Variants in GALK2 observed in about 807,000 individuals in gnomAD.
GALK2 encodes the protein N-acetylgalactosamine kinase.
A neutral mutation model predicts 52.4 loss-of-function variants in GALK2; 36 were observed. The observed-to-expected ratio is 0.69, with a 90% confidence interval of 0.53 to 0.91. The LOEUF (loss-of-function observed/expected upper bound fraction) is 0.91, where lower values mean the gene tolerates loss of function less well. GALK2 is among the 40% of genes least tolerant of loss of function. The pLI is 0.00. For synonymous variants in GALK2, 176 were observed against 199.1 expected, an observed-to-expected ratio of 0.88 and a Z score of 0.98; for missense variants, 579 against 559.1, an observed-to-expected ratio of 1.04 and a Z score of -0.36.
intron 5 of GALK2, among the ~76,000 whole-genome samples, chr15:49,278,355 G>C (rs920638690): frequency 6.6e-6 from 1 of 152,182 alleles, no homozygotes; most frequent in Non-Finnish European, 1.5e-5. Context: ...GGCTGTTTTA[G>C]AGGAATCCAG....
intron 1 of GALK2, among the ~76,000 whole-genome samples, chr15:49,188,444 ACTC>A (rs2086511326): frequency 6.6e-6 from 1 of 151,970 alleles, no homozygotes; most frequent in Non-Finnish European, 1.5e-5. Context: ...TAATCACTGT[ACTC>A]CTCCATGTGC....
intron 3 of GALK2, chr15:49,353,619 T>TTG (rs999826211): frequency 3.3e-5 from 5 of 151,860 alleles, no homozygotes; most frequent in Non-Finnish European, 7.4e-5. Flanking sequence ...TAAGGGTTTT[T>TTG]TTTTTTTTTT....
chr15:49,358,881 A>G (rs908826541), intron 3 of GALK2, among the ~76,000 whole-genome samples: 18 of 149,872 alleles, frequency 1.2e-4, no homozygotes, highest in Non-Finnish European at 1.9e-4. Context: ...TACTGGTACC[A>G]AAACAGAGAT....
At chr15:49,354,251 G>C (rs2042697205) in intron 3 of GALK2, among the ~76,000 whole-genome samples, 1 of 152,190 alleles carries the variant, frequency 6.6e-6, no homozygotes, top group African/African-American at 2.4e-5. Flanking sequence ...AGCCAAGATG[G>C]CCGAATAGGA....
At chr15:49,359,053 C>T (rs1052866462) in intron 3 of GALK2, among the ~76,000 whole-genome samples, 2 of 151,874 alleles carry the variant, frequency 1.3e-5, no homozygotes, top group Non-Finnish European at 2.9e-5. Context: ...AGCTGAAACT[C>T]GATCCCTTCC....
At chr15:49,242,427 G>A (rs570272520) in intron 5 of GALK2, among the ~76,000 whole-genome samples, 1 of 152,130 alleles carries the variant, frequency 6.6e-6, no homozygotes, top group African/African-American at 2.4e-5. Flanking sequence ...ATAGTTGAGG[G>A]GAATTTACCA....
intron 3 of GALK2, among the ~76,000 whole-genome samples, chr15:49,345,277 C>G (rs1162573282): frequency 1.3e-5 from 2 of 152,002 alleles, no homozygotes; most frequent in African/African-American, 4.8e-5. Flanking sequence ...TTGAAATGAA[C>G]TGGGTAGACA....
chr15:49,265,047 A>C (rs1046489680), intron 5 of GALK2, among the ~76,000 whole-genome samples: 2 of 152,202 alleles, frequency 1.3e-5, no homozygotes, highest in Non-Finnish European at 2.9e-5. Context: ...TTGAGGAGGC[A>C]GTCTGCCCAT....
rs114070103 is a variant in GALK2 at position 49,282,791 on chromosome 15, T to C, written c.603+706T>C. On this transcript the variant is annotated intron_variant, in intron 6 of 9. Coordinates refer to ENST00000560031, the MANE Select transcript of GALK2 (RefSeq NM_002044.4). ...TTCCAAGAACACCTGGATTCCTTCT[T>C]AGTAAGAATATTTGTTATTGATTCC... is the stretch of plus-strand genomic sequence containing the variant. Among the ~76,000 whole-genome samples the C allele has an allele frequency of 2.0e-3, 305 of 152,308 alleles. 3 individuals carry two copies. Among genetic ancestry groups the C allele is most frequent in the African/African-American group, 7.0e-3 (293 of 41,576 alleles).
chr15:49,348,605 A>G (rs2041853304), intron 3 of GALK2, among the ~76,000 whole-genome samples: 1 of 152,164 alleles, frequency 6.6e-6, no homozygotes, highest in African/African-American at 2.4e-5. Flanking sequence ...TTGTGGGGCA[A>G]ATGCATGGTA....
At position 49,283,438 on chromosome 15, in the gene GALK2, G is replaced by A. The variant is rs886851290; in HGVS notation, c.604-128G>A. ...TCCAGTGCCTAGTACAGCGCCTGGA[G>A]GTCAATAAGTAATATTTGAATGAAT... On this transcript the variant is annotated intron_variant, in intron 6 of 9. Transcript: ENST00000560031. The A allele has an allele frequency of 3.9e-6, 3 of 774,796 alleles. No individual in the cohort carries two copies. The Admixed American group carries it at 7.7e-5, about 20-fold the overall frequency. The allele number at this position is 774,796 out of a possible 1,614,324, so 48.0% of individuals were successfully genotyped here. A position where few individuals can be genotyped will look rare whatever the true frequency, so the allele number is the denominator to read the frequency against.
At chr15:49,203,895 A>G (rs2088015970) in intron 2 of GALK2, among the ~76,000 whole-genome samples, 1 of 152,154 alleles carries the variant, frequency 6.6e-6, no homozygotes, top group Non-Finnish European at 1.5e-5. Flanking sequence ...AGGGTGGATC[A>G]CTTGAGGTCA....
At position 49,331,850 on chromosome 15, in the gene GALK2, C is replaced by G. The variant is rs1187749541; in HGVS notation, c.*3691C>G. On this transcript the variant is annotated 3_prime_UTR_variant, in exon 10 of 10. Transcript: ENST00000560031. ...TTTCTTGGTAGCCTTTGCTTGGAGTCTAATCATGGAATAAAGAAAATCAGT... is the reference window on the plus strand; with the variant it reads ...TTTCTTGGTAGCCTTTGCTTGGAGTGTAATCATGGAATAAAGAAAATCAGT... 1 of 1,598,002 alleles carries G rather than the reference C, an allele frequency of 6.3e-7. No individual in the cohort carries two copies. The highest frequency in any genetic ancestry group is 1.7e-5 in the Admixed American group (1 of 59,940).
intron 2 of GALK2, among the ~76,000 whole-genome samples, chr15:49,206,616 G>T (rs139971747): frequency 3.3e-5 from 5 of 151,780 alleles, no homozygotes; most frequent in Non-Finnish European, 7.4e-5. Context: ...TTGTAAAAGG[G>T]GTTGAGTTCT....
chr15:49,366,892 A>G lies in GALK2; in HGVS notation c.427-599A>G, dbSNP rs999748637. Among the ~76,000 whole-genome samples the G allele has an allele frequency of 1.2e-4, 19 of 152,314 alleles. 1 individual carries two copies. Among genetic ancestry groups the G allele is most frequent in the Admixed American group, 8.5e-4 (13 of 15,300 alleles). ...GGATTCATCTGAGTCCTTAATGAGG[A>G]CTGGGCCAAGAAAAGTTATACTGAA... On this transcript the variant is annotated intron_variant, in intron 3 of 3. Coordinates refer to the GALK2 transcript ENST00000558399.
chr15:49,344,160 T>A (rs1417339105), intron 3 of GALK2: 1 of 152,178 alleles, frequency 6.6e-6, no homozygotes, highest in Non-Finnish European at 1.5e-5. Flanking sequence ...CTTAAAAATA[T>A]GATTGTACAA....
At chr15:49,361,182 T>C (rs1596530876) in intron 3 of GALK2, among the ~76,000 whole-genome samples, 1 of 152,182 alleles carries the variant, frequency 6.6e-6, no homozygotes, top group Non-Finnish European at 1.5e-5. Flanking sequence ...TATATACAAT[T>C]ATAATTTGTC....
chr15:49,339,503 C>T (rs963292536), intron 3 of GALK2, among the ~76,000 whole-genome samples: 1 of 152,160 alleles, frequency 6.6e-6, no homozygotes, highest in African/African-American at 2.4e-5. Context: ...GAAGCTTCGT[C>T]CCAGAGGGGC....
Position 49,339,178 on chromosome 15 carries a change from AAGG to A in GALK2, c.426+19376_426+19378del, listed in dbSNP as rs1204476525. Among the ~76,000 whole-genome samples, 16 of 152,040 alleles carry A rather than the reference AAGG, an allele frequency of 1.1e-4. 1 individual carries two copies. Among genetic ancestry groups the A allele is most frequent in the Admixed American group, 1.0e-3 (16 of 15,266 alleles). The stretch of plus-strand genomic sequence containing the variant: ...TGTCCAGTTTTGTTCCCTTGCTGGC[AAGG>A]AGTTGTGATTCTTTAGCAGAGAAGA... On this transcript the variant is annotated intron_variant, in intron 3 of 3. Coordinates refer to the GALK2 transcript ENST00000558399.
Sources: allele counts gnomAD v4.1 joint callset (sites outside exome capture counted in the v4.1 genomes callset), GRCh38; gene constraint gnomAD v4.1.1; transcripts MANE v1.5; gene names NCBI Gene and HGNC (gene_info 2026-07-23, HGNC 2026-07-21).